The following CELF2 variants were observed in gnomAD, a reference collection of about 807,000 sequenced individuals.
CELF2 encodes CUG triplet repeat RNA-binding protein 2.
CELF2 carries 8 observed loss-of-function variants against 62.6 expected under a neutral mutation model. That is an observed-to-expected ratio of 0.13 (90% CI 0.07 to 0.23). The LOEUF is 0.23. Among genes scored for constraint, CELF2 ranks in the 10% least tolerant of loss-of-function variants. The probability of loss-of-function intolerance (pLI) is 1.00; values close to 1 mark genes in which losing one functional copy is unlikely to be tolerated. For synonymous variants in CELF2, 258 were observed against 250.0 expected (o/e 1.03, Z -0.30); for missense variants, 333 against 671.0 (o/e 0.50, Z 5.56).
chr10:10,733,904 G>A, the CELF2 span, among the ~76,000 whole-genome samples: 2 of 152,224 alleles, frequency 1.3e-5, no homozygotes, highest in African/African-American at 4.8e-5. Flanking sequence ...TAAATTTAGC[G>A]ACCCTCTTTA....
At chr10:10,546,425 C>T in the CELF2 span, among the ~76,000 whole-genome samples, 1 of 152,120 alleles carries the variant, frequency 6.6e-6, no homozygotes, top group Non-Finnish European at 1.5e-5. Flanking sequence ...TGCAGGTTTC[C>T]GGGAGACAGT....
At chr10:10,636,926 A>G in the CELF2 span, among the ~76,000 whole-genome samples, 3 of 152,324 alleles carry the variant, frequency 2.0e-5, no homozygotes, top group African/African-American at 7.2e-5. Flanking sequence ...CAAGTTTTTA[A>G]ACGTGTCTCC....
the CELF2 span, among the ~76,000 whole-genome samples, chr10:10,490,970 G>T: frequency 6.6e-6 from 1 of 152,160 alleles, no homozygotes; most frequent in Non-Finnish European, 1.5e-5. Context: ...GGAGCAAATG[G>T]TATGAAGTTT....
intron 1 of CELF2, among the ~76,000 whole-genome samples, chr10:11,061,905 T>G (rs1255257095): frequency 6.6e-6 from 1 of 152,110 alleles, no homozygotes; most frequent in East Asian, 1.9e-4. Flanking sequence ...CTTTGCGGCC[T>G]GGGCTCAAAC....
chr10:10,509,121 G>C, the CELF2 span, among the ~76,000 whole-genome samples: 1 of 152,162 alleles, frequency 6.6e-6, no homozygotes, highest in Non-Finnish European at 1.5e-5. Context: ...TGGAGGTTCT[G>C]TTTAACTTTA....
the CELF2 span, among the ~76,000 whole-genome samples, chr10:10,485,125 C>G: frequency 6.6e-6 from 1 of 152,044 alleles, no homozygotes; most frequent in Non-Finnish European, 1.5e-5. Flanking sequence ...GAGTCAACTC[C>G]TCATTCAGGG....
rs185456575 is a variant in CELF2 at position 10,822,556 on chromosome 10, G to A, written c.53+23739G>A. 1.7e-3 allele frequency among the ~76,000 whole-genome samples: 256 copies of A among 152,298 alleles called. 3 individuals carry two copies. Among genetic ancestry groups the A allele is most frequent in the African/African-American group, 5.8e-3 (243 of 41,568 alleles). ...ATTGCATTCCACAGATTAATTATAT[G>A]TGTTCAGCCAGAAGTTCAACCTTCA... is the stretch of plus-strand genomic sequence containing the variant. On this transcript the variant is annotated intron_variant, in intron 1 of 13. Coordinates refer to the CELF2 transcript ENST00000636488.
intron 1 of CELF2, among the ~76,000 whole-genome samples, chr10:11,027,348 T>C (rs2059387563): frequency 6.6e-6 from 1 of 152,202 alleles, no homozygotes; most frequent in African/African-American, 2.4e-5. Flanking sequence ...CAGCATCAAA[T>C]GGACGGTGTT....
At chr10:11,163,297 G>A (rs1192710268) in intron 1 of CELF2, among the ~76,000 whole-genome samples, 1 of 152,178 alleles carries the variant, frequency 6.6e-6, no homozygotes, top group East Asian at 1.9e-4. Flanking sequence ...GCCGAGACCT[G>A]TGGCAATACC....
intron 10 of CELF2, among the ~76,000 whole-genome samples, chr10:11,320,508 T>C (rs1299863788): frequency 6.6e-6 from 1 of 152,260 alleles, no homozygotes; most frequent in East Asian, 1.9e-4. Context: ...TCTCTGCGAC[T>C]GTGGGAAGGG....
intron 2 of CELF2, among the ~76,000 whole-genome samples, chr10:10,979,030 A>T (rs1199090610): frequency 6.6e-6 from 1 of 152,164 alleles, no homozygotes; most frequent in Non-Finnish European, 1.5e-5. Flanking sequence ...CCAGGCTTCC[A>T]GTTTCAGGGC....
At chr10:10,971,813 C>G (rs1257363309) in intron 2 of CELF2, among the ~76,000 whole-genome samples, 1 of 152,174 alleles carries the variant, frequency 6.6e-6, no homozygotes, top group Admixed American at 6.5e-5. Context: ...TCTCGAGCTC[C>G]TGACCTCAGG....
At chr10:11,027,137 A>T (rs913920) in intron 1 of CELF2, among the ~76,000 whole-genome samples, 112,485 of 152,070 alleles carry the variant, frequency 0.74, 45,147 homozygotes, top group East Asian at 0.9. Context: ...TGGTGTCAGG[A>T]CTGAGAGATA....
At chr10:10,708,868 A>ACACACG in the CELF2 span, among the ~76,000 whole-genome samples, 3 of 152,306 alleles carry the variant, frequency 2.0e-5, no homozygotes, top group South Asian at 4.1e-4. Flanking sequence ...ACACCCTTAC[A>ACACACG]CACACGCACA....
intron 1 of CELF2, among the ~76,000 whole-genome samples, chr10:11,077,346 A>G (rs550161374): frequency 6.6e-6 from 1 of 151,108 alleles, no homozygotes; most frequent in African/African-American, 2.4e-5. Flanking sequence ...GTACAGGGAA[A>G]GTAAGGAAAC....
chr10:11,308,585 C>T (rs967947889), intron 9 of CELF2, among the ~76,000 whole-genome samples: 1 of 152,174 alleles, frequency 6.6e-6, no homozygotes, highest in African/African-American at 2.4e-5. Flanking sequence ...CCAGAATTTC[C>T]ATTTTTTTAA....
chr10:10,782,055 C>T, the CELF2 span, among the ~76,000 whole-genome samples: 1 of 152,270 alleles, frequency 6.6e-6, no homozygotes, highest in African/African-American at 2.4e-5. Flanking sequence ...GATTACATAA[C>T]TTATATGAAA....
chr10:10,535,312 GCCCT>G, the CELF2 span, among the ~76,000 whole-genome samples: 1 of 152,192 alleles, frequency 6.6e-6, no homozygotes, highest in African/African-American at 2.4e-5. Context: ...AGGGTGAGAT[GCCCT>G]CTGGTTCCCA....
chr10:10,764,719 T>TATAAA, the CELF2 span, among the ~76,000 whole-genome samples: 1 of 152,194 alleles, frequency 6.6e-6, no homozygotes, highest in Admixed American at 6.5e-5. Flanking sequence ...TGCCAATACT[T>TATAAA]TACTTGGCAA....
Sources: gnomAD v4.1 joint callset for allele counts (sites outside exome capture counted in the v4.1 genomes callset) on GRCh38, gnomAD v4.1.1 for gene constraint, MANE v1.5 for transcripts, NCBI Gene and HGNC (gene_info 2026-07-23, HGNC 2026-07-21) for gene names.